The following APLN variants were observed in gnomAD, a reference collection of about 807,000 sequenced individuals.
The protein encoded by APLN is AGTRL1 ligand.
A neutral mutation model predicts 4.3 loss-of-function variants in APLN; 2 were observed. That is an observed-to-expected ratio of 0.46 (90% CI 0.19 to 1.45). The LOEUF is 1.45. APLN is among the 40% of genes most tolerant of loss of function. The probability of loss-of-function intolerance (pLI) is 0.25; values close to 1 mark genes in which losing one functional copy is unlikely to be tolerated. For missense variants in APLN, 80 were observed against 70.0 expected (o/e 1.14, Z -0.51); for synonymous variants, 34 against 30.4 (o/e 1.12, Z -0.38).
At chrX:129,651,501 G>A (rs1936978483) in intron 1 of APLN, among the ~76,000 whole-genome samples, 1 of 112,270 alleles carries the variant, frequency 8.9e-6, no homozygotes, top group Admixed American at 9.4e-5. Flanking sequence ...CAGCCCTAAT[G>A]CACTTAAATA....
Position 129,648,780 on chromosome X carries a change from G to A in APLN, c.80C>T (p.Pro27Leu), listed in dbSNP as rs771963414. 15 of 1,168,212 alleles carry A rather than the reference G, an allele frequency of 1.3e-5. No individual in the cohort carries two copies. Among genetic ancestry groups the A allele is most frequent in the African/African-American group, 5.3e-5 (3 of 56,259 alleles). The change falls in exon 2 of 3, where the codon CCG becomes CTG. Residue 27 changes from proline to leucine, a missense_variant. Physicochemically the swap from Pro to Leu is moderately conservative, Grantham distance 98. Coordinates refer to ENST00000429967, the MANE Select transcript of APLN (RefSeq NM_017413.5). ...TTCCAGCCCATTCCCATCGGGAAGC[G>A]GCATCAGGGACCCTGCAGGAAGGAG... ...LTAVCGGSLM[P>L]LPDGNGLEDG...
chrX:129,650,367 G>A (rs1240892047), intron 1 of APLN, among the ~76,000 whole-genome samples: 1 of 110,674 alleles, frequency 9.0e-6, no homozygotes, highest in Non-Finnish European at 1.9e-5. Flanking sequence ...CCTCCTCTTG[G>A]GCCAAAAGTG....
At position 129,647,662 on chromosome X, in the gene APLN, C is replaced by A; in HGVS notation, c.*261G>T. Reference sequence around the variant, plus strand: ...GGAGAAGAAGGGAGGCTTTCTGGGGCTAGGTCTCCAAAGTCAGTCCAGGGA... The same window carrying A: ...GGAGAAGAAGGGAGGCTTTCTGGGGATAGGTCTCCAAAGTCAGTCCAGGGA... On this transcript the variant is annotated 3_prime_UTR_variant, in exon 3 of 3. Transcript: ENST00000429967. 3 of 982,704 alleles carry A rather than the reference C, an allele frequency of 3.1e-6. No homozygotes were observed. Among genetic ancestry groups the A allele is most frequent in the Non-Finnish European group, 4.0e-6 (3 of 755,965 alleles). The allele number at this position is 982,704 out of a possible 1,213,427, so 81.0% of individuals were successfully genotyped here.
At position 129,645,401 on chromosome X, in the gene APLN, A is replaced by G. The variant is rs961664220; in HGVS notation, c.*2522T>C. ...ACATAACATTTTTCAAGAAAGGCAA[A>G]CTGGCTAAAAAGTCCTGAAAGTGTT... On this transcript the variant is annotated 3_prime_UTR_variant, in exon 3 of 3. Coordinates refer to ENST00000429967, the MANE Select transcript of APLN (RefSeq NM_017413.5). 2 of 112,795 alleles carry G rather than the reference A, an allele frequency of 1.8e-5. No individual in the cohort carries two copies. The highest frequency in any genetic ancestry group is 6.4e-5 in the African/African-American group (2 of 31,033). The allele number at this position is 112,795 out of a possible 1,213,427, so 9.3% of individuals were successfully genotyped here. A position where few individuals can be genotyped will look rare whatever the true frequency, so the allele number is the denominator to read the frequency against.
intron 1 of APLN, 98 bp downstream of exon 1, chrX:129,654,466 C>T: frequency 1.2e-6 from 1 of 847,518 alleles, no homozygotes; most frequent in Non-Finnish European, 1.6e-6. Context: ...CTGCACGGCT[C>T]GCGCCGGGCT....
intron 1 of APLN, among the ~76,000 whole-genome samples, chrX:129,650,830 C>G (rs1936974224): frequency 8.9e-6 from 1 of 111,742 alleles, no homozygotes; most frequent in African/African-American, 3.3e-5. Flanking sequence ...GGGGTCCCCA[C>G]AAGGCTCACC....
rs1162434073 is a variant in APLN at position 129,645,371 on chromosome X, T to G, written c.*2552A>C. On this transcript the variant is annotated 3_prime_UTR_variant, in exon 3 of 3. Coordinates refer to ENST00000429967, the MANE Select transcript of APLN (RefSeq NM_017413.5). ...AGTCATTATCAAATGTATTTATTGC[T>G]GAAAACATAACATTTTTCAAGAAAG... is the stretch of plus-strand genomic sequence containing the variant. 3.5e-5 allele frequency: 4 copies of G among 112,677 alleles called. No individual in the cohort carries two copies. The highest frequency in any genetic ancestry group is 7.5e-5 in the Non-Finnish European group (4 of 53,400). The allele number at this position is 112,677 out of a possible 1,213,427, so 9.3% of individuals were successfully genotyped here.
chrX:129,648,753 T>C lies in APLN; in HGVS notation c.107A>G (p.Asp36Gly), dbSNP rs1409906002. The change falls in exon 2 of 3, where the codon GAC (aspartate) becomes GGC (glycine). Residue 36 changes from aspartate to glycine, a missense_variant. Coordinates refer to ENST00000429967, the MANE Select transcript of APLN (RefSeq NM_017413.5). ...CTGCACCAGGTGGCGGACATTGCCG[T>C]CTTCCAGCCCATTCCCATCGGGAAG... ...MPLPDGNGLE[D>G]GNVRHLVQPR... The C allele has an allele frequency of 8.5e-7, 1 of 1,175,528 alleles. No individual in the cohort carries two copies. The highest frequency in any genetic ancestry group is 1.8e-5 in the African/African-American group (1 of 56,891).
In APLN at chrX:129,648,715, T is replaced by A. The variant is rs770544881; in HGVS notation, c.145A>T (p.Arg49Trp). ...CCCTGCCAGGGCCCTGGCCCATTCCTTGACCCTCTGGGCTGCACCAGGTGG... is the reference window on the plus strand; with the variant it reads ...CCCTGCCAGGGCCCTGGCCCATTCCATGACCCTCTGGGCTGCACCAGGTGG... Reference protein sequence around the residue: ...VRHLVQPRGSRNGPGPWQGGR... With the variant: ...VRHLVQPRGSWNGPGPWQGGR... The change falls in exon 2 of 3, where the codon AGG (arginine) becomes TGG (tryptophan). Residue 49 changes from arginine to tryptophan, a missense_variant. Physicochemically the swap from Arg to Trp is moderately radical, Grantham distance 101 (BLOSUM62 -3). Transcript: ENST00000429967. 1.8e-5 allele frequency: 21 copies of A among 1,178,143 alleles called. No individual in the cohort carries two copies. In the African/African-American group the frequency reaches 3.2e-4, roughly 18 times the overall value.
At chrX:129,649,866 T>C (rs761640731) in intron 1 of APLN, among the ~76,000 whole-genome samples, 4 of 111,442 alleles carry the variant, frequency 3.6e-5, no homozygotes, top group African/African-American at 1.3e-4. Flanking sequence ...GTGCAGGGTA[T>C]CCTTGGGTGC....
intron 1 of APLN, among the ~76,000 whole-genome samples, chrX:129,653,427 C>T (rs1167108844): frequency 5.3e-5 from 6 of 112,891 alleles, no homozygotes; most frequent in Non-Finnish European, 1.1e-4. Flanking sequence ...CACTGCCCTG[C>T]CTTCTCCTTC....
rs918665735 is a variant in APLN, at chrX:129,646,830, G to A, written c.*1093C>T. 1 of 112,358 alleles carries A rather than the reference G, an allele frequency of 8.9e-6. No individual in the cohort carries two copies. The allele number at this position is 112,358 out of a possible 1,213,427, so 9.3% of individuals were successfully genotyped here. ...GGGGTAGGTCAGGGAGGTGGGAGCA[G>A]CTCCAGCCCCACAACAGGACAGTTC... On this transcript the variant is annotated 3_prime_UTR_variant, in exon 3 of 3. Coordinates refer to ENST00000429967, the MANE Select transcript of APLN (RefSeq NM_017413.5).
chrX:129,648,489 G>T, intron 2 of APLN, 132 bp downstream of exon 2: 1 of 784,673 alleles, frequency 1.3e-6, no homozygotes, highest in Non-Finnish European at 1.8e-6. Context: ...CCAGCTCTAA[G>T]CCTCTGTGAG....
intron 1 of APLN, among the ~76,000 whole-genome samples, chrX:129,652,034 A>C (rs969483001): frequency 3.6e-5 from 4 of 111,689 alleles, no homozygotes; most frequent in Admixed American, 1.9e-4. Flanking sequence ...GGCCTGGCTC[A>C]GGTTACACGG....
At chrX:129,650,518 C>T (rs1001112198) in intron 1 of APLN, among the ~76,000 whole-genome samples, 1 of 111,847 alleles carries the variant, frequency 8.9e-6, no homozygotes, top group African/African-American at 3.2e-5. Context: ...TTCCCTCTTT[C>T]CCCAAGAAAA....
At position 129,654,646 on chromosome X, in the gene APLN, G is replaced by A; in HGVS notation, c.-16C>T. 9.1e-7 allele frequency: 1 copy of A among 1,098,436 alleles called. No homozygotes were observed. Among genetic ancestry groups the A allele is most frequent in the East Asian group, 3.9e-5 (1 of 25,620 alleles). 90.5% of individuals were successfully genotyped at this position (1,098,436 alleles called of 1,213,427 possible). ...GCAGATTCATGCTGCTCCTTGGGCC[G>A]CCGCGGCCCCGGCGAGCCGGCGCGG... is the stretch of plus-strand genomic sequence containing the variant. On this transcript the variant is annotated 5_prime_UTR_variant, in exon 1 of 3. Transcript: ENST00000429967.
In APLN at chrX:129,654,790, C is replaced by T; in HGVS notation, c.-160G>A. ...GTGTGCGCGCTGAGCCCCGCCGCTC[C>T]CGCTGGCCGCCTCCGCTCTTCTGCA... On this transcript the variant is annotated 5_prime_UTR_variant, in exon 1 of 3. Coordinates refer to ENST00000429967, the MANE Select transcript of APLN (RefSeq NM_017413.5). 4.1e-6 allele frequency: 1 copy of T among 244,986 alleles called. No individual in the cohort carries two copies. Among genetic ancestry groups the T allele is most frequent in the South Asian group, 2.4e-4 (1 of 4,227 alleles). 20.2% of individuals were successfully genotyped at this position (244,986 alleles called of 1,213,427 possible). A position where few individuals can be genotyped will look rare whatever the true frequency, so the allele number is the denominator to read the frequency against.
At chrX:129,653,155 C>T (rs778746313) in intron 1 of APLN, among the ~76,000 whole-genome samples, 1 of 112,617 alleles carries the variant, frequency 8.9e-6, no homozygotes, top group Non-Finnish European at 1.9e-5. Context: ...ACTTCGTGTT[C>T]AGGTCTTGAA....
chrX:129,648,650 G>A lies in APLN; in HGVS notation c.210C>T (p.Ser70=). 8.4e-7 allele frequency: 1 copy of A among 1,197,313 alleles called. No homozygotes were observed. Among genetic ancestry groups the A allele is most frequent in the Non-Finnish European group, 1.1e-6 (1 of 888,291 alleles). ...RKFRRQRPRL[S]HKGPMPF Reference sequence around the variant, plus strand: ...TTCAGAAAGGCATGGGTCCCTTATGGGAGAGGCGGGGCCGCTGGCGGCGGA... The same window carrying A: ...TTCAGAAAGGCATGGGTCCCTTATGAGAGAGGCGGGGCCGCTGGCGGCGGA... Residue 70 remains serine (S), a synonymous_variant, in exon 2 of 3, where the codon TCC becomes TCT. Coordinates refer to ENST00000429967, the MANE Select transcript of APLN (RefSeq NM_017413.5).
Sources: allele counts gnomAD v4.1 joint callset (sites outside exome capture counted in the v4.1 genomes callset), GRCh38; gene constraint gnomAD v4.1.1; transcripts MANE v1.5; gene names NCBI Gene and HGNC (gene_info 2026-07-23, HGNC 2026-07-21).